Variants in OSTF1 observed in about 807,000 individuals in gnomAD.
OSTF1 encodes osteoclast-stimulating factor 1.
In OSTF1, 27 loss-of-function variants were observed where a neutral mutation model predicts 37.2. The observed-to-expected ratio is 0.73, with a 90% CI of 0.54 to 1.00. OSTF1 has a LOEUF of 1.00. Ranked by LOEUF, OSTF1 falls within the 50% of genes least tolerant of loss-of-function variation. The pLI, the probability that OSTF1 is intolerant of heterozygous loss-of-function variation, is 0.00. For missense variants in OSTF1, 232 were observed against 253.8 expected (o/e 0.91, Z 0.58); for synonymous variants, 82 against 89.2 (o/e 0.92, Z 0.46).
At chr9:75,145,138 C>CTTATCTAT (rs1554774929) in intron 9 of OSTF1, among the ~76,000 whole-genome samples, 2 of 95,948 alleles carry the variant, frequency 2.1e-5, no homozygotes, top group African/African-American at 6.9e-5. Context: ...TATCTGCCTG[C>CTTATCTAT]CTATCTATCT....
intron 3 of OSTF1, 107 bp downstream of exon 3, chr9:75,127,726 A>G: frequency 1.6e-6 from 1 of 615,746 alleles, no homozygotes; most frequent in Non-Finnish European, 2.8e-6. Flanking sequence ...CATATGTACA[A>G]GTCTGTTCAT....
intron 4 of OSTF1, 107 bp from the exon 5 acceptor site, chr9:75,131,663 A>G: frequency 1.3e-6 from 1 of 775,000 alleles, no homozygotes; most frequent in Non-Finnish European, 2.3e-6. Context: ...ACTGTGTTGA[A>G]TGCCCTGGTA....
At chr9:75,106,764 G>T (rs1825292426) in intron 1 of OSTF1, among the ~76,000 whole-genome samples, 1 of 150,886 alleles carries the variant, frequency 6.6e-6, no homozygotes, top group African/African-American at 2.4e-5. Flanking sequence ...GACCATCCTG[G>T]CCAACATGGT....
At chr9:75,089,684 G>C (rs1476708465) in intron 1 of OSTF1, among the ~76,000 whole-genome samples, 2 of 152,204 alleles carry the variant, frequency 1.3e-5, no homozygotes, top group African/African-American at 4.8e-5. Flanking sequence ...TGGCTCCGAT[G>C]TATTCTTGGG....
intron 7 of OSTF1, among the ~76,000 whole-genome samples, chr9:75,134,686 C>T (rs959411734): frequency 3.3e-5 from 5 of 152,138 alleles, no homozygotes; most frequent in African/African-American, 1.2e-4. Flanking sequence ...ACTTTGGCCT[C>T]CTGTTGGGTA....
intron 1 of OSTF1, among the ~76,000 whole-genome samples, chr9:75,114,880 A>G (rs1303980134): frequency 1.4e-4 from 22 of 152,144 alleles, no homozygotes; most frequent in Admixed American, 1.4e-3. Flanking sequence ...TCATGCTTCC[A>G]TCTATTCCTT....
chr9:75,142,376 G>C (rs34084631), intron 9 of OSTF1, among the ~76,000 whole-genome samples: 59,567 of 151,842 alleles, frequency 0.39, 11,944 homozygotes, highest in African/African-American at 0.45. Flanking sequence ...GGAAGTAGGA[G>C]TCTGGCCTAA....
intron 1 of OSTF1, among the ~76,000 whole-genome samples, chr9:75,112,056 C>G (rs1284657434): frequency 6.6e-6 from 1 of 150,832 alleles, no homozygotes; most frequent in East Asian, 1.9e-4. Context: ...AACTCCTGAC[C>G]TTGTGATCTG....
intron 1 of OSTF1, among the ~76,000 whole-genome samples, chr9:75,104,034 C>T (rs1367878532): frequency 6.6e-6 from 1 of 151,994 alleles, no homozygotes; most frequent in African/African-American, 2.4e-5. Flanking sequence ...TCAAGGGCAG[C>T]CTGTGCAACA....
At chr9:75,119,802 A>G (rs569614475) in intron 2 of OSTF1, among the ~76,000 whole-genome samples, 2 of 152,276 alleles carry the variant, frequency 1.3e-5, no homozygotes, top group South Asian at 4.2e-4. Context: ...CATCTCTACT[A>G]AAAATACGAA....
chr9:75,139,466 T>C (rs1825905188), intron 8 of OSTF1, among the ~76,000 whole-genome samples: 2 of 152,198 alleles, frequency 1.3e-5, no homozygotes, highest in South Asian at 4.1e-4. Flanking sequence ...TCTGGCTCTA[T>C]TGCCCAGGTT....
chr9:75,145,576 C>T (rs889932219), intron 9 of OSTF1, among the ~76,000 whole-genome samples: 1 of 151,922 alleles, frequency 6.6e-6, no homozygotes, highest in African/African-American at 2.4e-5. Flanking sequence ...GAAAAGTTTT[C>T]CCTCATCAAT....
At chr9:75,126,070 TG>T (rs1318013262) in intron 2 of OSTF1, among the ~76,000 whole-genome samples, 3 of 152,076 alleles carry the variant, frequency 2.0e-5, no homozygotes, top group Non-Finnish European at 4.4e-5. Flanking sequence ...CCACCACACC[TG>T]GCACATTTTT....
chr9:75,102,291 T>C (rs577558505), intron 1 of OSTF1, among the ~76,000 whole-genome samples: 2 of 152,354 alleles, frequency 1.3e-5, no homozygotes, highest in Non-Finnish European at 2.9e-5. Context: ...GGCATTTTTA[T>C]AATTTCATCT....
chr9:75,093,734 T>C (rs79734664), intron 1 of OSTF1, among the ~76,000 whole-genome samples: 7,287 of 152,334 alleles, frequency 0.048, 238 homozygotes, highest in Non-Finnish European at 0.074. Flanking sequence ...TTAATTTTTA[T>C]GTATTTTTTA....
chr9:75,139,385 C>T (rs1398453032), intron 8 of OSTF1, among the ~76,000 whole-genome samples: 1 of 151,948 alleles, frequency 6.6e-6, no homozygotes, highest in Non-Finnish European at 1.5e-5. Context: ...ATGATACTTT[C>T]CTACACTGTG....
Position 75,112,139 on chromosome 9 carries a change from G to T in OSTF1, c.35-5365G>T, listed in dbSNP as rs144214838. Among the ~76,000 whole-genome samples, 1,142 of 150,004 alleles carry T rather than the reference G, an allele frequency of 7.6e-3. 7 individuals carry two copies. The highest frequency in any genetic ancestry group is 0.012 in the Non-Finnish European group (829 of 67,562). On this transcript the variant is annotated intron_variant, in intron 1 of 9. Coordinates refer to ENST00000346234, the MANE Select transcript of OSTF1 (RefSeq NM_012383.5). ...CCTACTGCTTTTTTTTTTTTTTTAA[G>T]GATGTTTGCAGGGAAGATAATATGA...
At chr9:75,140,107 A>G (rs1209480622) in intron 8 of OSTF1, among the ~76,000 whole-genome samples, 4 of 152,240 alleles carry the variant, frequency 2.6e-5, no homozygotes, top group Non-Finnish European at 5.9e-5. Context: ...TTTTAAAAAC[A>G]TGAAATCACA....
intron 2 of OSTF1, among the ~76,000 whole-genome samples, chr9:75,123,256 C>T (rs1212542654): frequency 1.3e-5 from 2 of 152,114 alleles, no homozygotes; most frequent in South Asian, 2.1e-4. Context: ...CCCGTCTCTA[C>T]TAAAAATACA....
Sources: gnomAD v4.1 joint callset for allele counts (sites outside exome capture counted in the v4.1 genomes callset) on GRCh38, gnomAD v4.1.1 for gene constraint, MANE v1.5 for transcripts, NCBI Gene and HGNC (gene_info 2026-07-23, HGNC 2026-07-21) for gene names.